The following MCPH1 variants were observed in gnomAD, a reference collection of about 807,000 sequenced individuals.
MCPH1 encodes microcephalin 1, also known as microcephalin.
A neutral mutation model predicts 84.5 loss-of-function variants in MCPH1; 104 were observed. That is an observed-to-expected ratio of 1.23 (90% confidence interval 1.05 to 1.45). The LOEUF is 1.45. Ranked by LOEUF, MCPH1 falls within the 40% of genes most tolerant of loss-of-function variation. The pLI, the probability that MCPH1 is intolerant of heterozygous loss-of-function variation, is 0.00. For missense variants in MCPH1, 1,498 were observed against 1,005.7 expected (o/e 1.49, Z -6.62); for synonymous variants, 514 against 366.8 (o/e 1.40, Z -4.58).
At chr8:6,417,635 A>G (rs1044278575) in intron 3 of MCPH1, among the ~76,000 whole-genome samples, 1 of 151,478 alleles carries the variant, frequency 6.6e-6, no homozygotes, top group African/African-American at 2.4e-5. Context: ...TAACATTTCT[A>G]GTTGGTTTTT....
chr8:6,493,056 A>G (rs547628420), intron 11 of MCPH1, among the ~76,000 whole-genome samples: 1 of 152,296 alleles, frequency 6.6e-6, no homozygotes, highest in East Asian at 1.9e-4. Context: ...CATACAGTGA[A>G]GTGATGTTTC....
chr8:6,562,641 T>C lies in MCPH1; in HGVS notation c.2215-58813T>C, dbSNP rs1469308863. The stretch of plus-strand genomic sequence containing the variant: ...GTTCACAAAGACAGATGGATTTTTT[T>C]CCTACCTTCATTAGCCACTGAGTGT... On this transcript the variant is annotated intron_variant, in intron 12 of 13. Transcript: ENST00000344683. The C allele has an allele frequency of 3.5e-6, 5 of 1,408,492 alleles. No homozygotes were observed. The South Asian group carries it at 6.1e-5, about 17-fold the overall frequency. The allele number at this position is 1,408,492 out of a possible 1,614,324, so 87.2% of individuals were successfully genotyped here. A position where few individuals can be genotyped will look rare whatever the true frequency, so the allele number is the denominator to read the frequency against.
intron 9 of MCPH1, among the ~76,000 whole-genome samples, chr8:6,460,560 A>G (rs1806164557): frequency 6.6e-6 from 1 of 152,012 alleles, no homozygotes; most frequent in South Asian, 2.1e-4. Flanking sequence ...AAAATTATTA[A>G]TCCTATCTTT....
chr8:6,603,085 G>T (rs1415031095), intron 12 of MCPH1, among the ~76,000 whole-genome samples: 1 of 151,868 alleles, frequency 6.6e-6, no homozygotes, highest in East Asian at 1.9e-4. Flanking sequence ...CTAGTTTTCA[G>T]CCTGTATTTT....
At position 6,645,564 on chromosome 8, in the gene MCPH1, C is replaced by T. The variant is rs1798176416; in HGVS notation, c.*2515C>T. 1 of 128,466 alleles carries T rather than the reference C, an allele frequency of 7.8e-6. No homozygotes were observed. The highest frequency in any genetic ancestry group is 2.5e-4 in the South Asian group (1 of 4,058). 8.0% of individuals were successfully genotyped at this position (128,466 alleles called of 1,614,324 possible). A position where few individuals can be genotyped will look rare whatever the true frequency, so the allele number is the denominator to read the frequency against. On this transcript the variant is annotated 3_prime_UTR_variant, in exon 14 of 14. Coordinates refer to ENST00000344683, the MANE Select transcript of MCPH1 (RefSeq NM_024596.5). ...AAGTGAAGAAATAAAAGTCTTTATT[C>T]TCAAGAATACAAGACACTATGTATA...
At chr8:6,506,024 A>T (rs1324679766) in intron 12 of MCPH1, among the ~76,000 whole-genome samples, 1 of 145,358 alleles carries the variant, frequency 6.9e-6, no homozygotes, top group African/African-American at 2.5e-5. Context: ...TATATATATA[A>T]AAACATATAT....
chr8:6,473,781 T>G, intron 9 of MCPH1: 1 of 953,026 alleles, frequency 1.0e-6, no homozygotes, highest in Non-Finnish European at 1.5e-6. Context: ...CTTAAACAAT[T>G]TCTATGATGT....
chr8:6,608,082 C>A (rs992315983), intron 12 of MCPH1, among the ~76,000 whole-genome samples: 1 of 152,246 alleles, frequency 6.6e-6, no homozygotes, highest in African/African-American at 2.4e-5. Flanking sequence ...TGAGCTGGAG[C>A]CCACAGCAGG....
intron 8 of MCPH1, among the ~76,000 whole-genome samples, chr8:6,452,658 A>G (rs115353077): frequency 0.012 from 1,800 of 152,318 alleles, 34 homozygotes; most frequent in African/African-American, 0.04. Flanking sequence ...CTTCATGATG[A>G]GATTAGGACC....
intron 12 of MCPH1, chr8:6,514,576 G>T: frequency 2.0e-6 from 2 of 1,020,020 alleles, no homozygotes; most frequent in Non-Finnish European, 3.0e-6. Flanking sequence ...CATGTCAAAA[G>T]TCATTGGTTA....
intron 1 of MCPH1, among the ~76,000 whole-genome samples, chr8:6,407,624 T>C (rs1440193061): frequency 2.0e-5 from 3 of 152,246 alleles, no homozygotes; most frequent in Non-Finnish European, 2.9e-5. Flanking sequence ...CTAGAGGCTT[T>C]ATACAAAGTC....
chr8:6,425,108 C>T (rs1800862555), intron 3 of MCPH1, among the ~76,000 whole-genome samples: 1 of 152,146 alleles, frequency 6.6e-6, no homozygotes, highest in Non-Finnish European at 1.5e-5. Context: ...CCTGGCCGAC[C>T]TAGCAGGTGT....
chr8:6,438,876 G>T, intron 5 of MCPH1, 77 bp from the exon 6 acceptor site: 1 of 1,388,066 alleles, frequency 7.2e-7, no homozygotes, highest in Non-Finnish European at 1.0e-6. Flanking sequence ...GTGGGGGGTT[G>T]TTCTTTAAAA....
intron 9 of MCPH1, among the ~76,000 whole-genome samples, chr8:6,469,007 A>G (rs1359393379): frequency 6.6e-6 from 1 of 152,058 alleles, no homozygotes; most frequent in Non-Finnish European, 1.5e-5. Context: ...TGGGCAAAGG[A>G]GTGAGACCTC....
At chr8:6,499,711 G>A in intron 11 of MCPH1, 141 bp from the exon 12 acceptor site, 1 of 704,182 alleles carries the variant, frequency 1.4e-6, no homozygotes. Context: ...AGATTCTGAA[G>A]GGACTTTGTT....
Position 6,489,929 on chromosome 8 carries a change from A to C in MCPH1, c.2136+9053A>C, listed in dbSNP as rs796470960. 2.0e-5 allele frequency among the ~76,000 whole-genome samples: 3 copies of C among 152,248 alleles called. No homozygotes were observed. In the South Asian group the frequency reaches 6.2e-4, roughly 32 times the overall value. On this transcript the variant is annotated intron_variant, in intron 11 of 13. Transcript: ENST00000344683. ...CAAATACTTTAAATGGATAAGGCTA[A>C]AAACCAACAAGTCGAGAGGGTACTT...
At chr8:6,562,610 T>A (rs200032430) in intron 12 of MCPH1, 2 of 1,068,630 alleles carry the variant, frequency 1.9e-6, no homozygotes, top group Non-Finnish European at 2.5e-6. Flanking sequence ...CTGATCTTAA[T>A]AGCATGTTCA....
At chr8:6,586,837 C>T (rs1294731254) in intron 12 of MCPH1, among the ~76,000 whole-genome samples, 2 of 152,160 alleles carry the variant, frequency 1.3e-5, no homozygotes, top group African/African-American at 2.4e-5. Flanking sequence ...GGACACTTAC[C>T]ACCTGAATCC....
Position 6,627,306 on chromosome 8 carries a change from A to T in MCPH1, c.2452+5615A>T, listed in dbSNP as rs1423548217. 9 of 984,778 alleles carry T rather than the reference A, an allele frequency of 9.1e-6. No individual in the cohort carries two copies. The African/African-American group carries it at 1.4e-4, about 15-fold the overall frequency. 61.0% of individuals were successfully genotyped at this position (984,778 alleles called of 1,614,324 possible). On this transcript the variant is annotated intron_variant, in intron 13 of 13. Coordinates refer to ENST00000344683, the MANE Select transcript of MCPH1 (RefSeq NM_024596.5). ...GTCGCAGAGAGGGGAGGCCATCTGC[A>T]GAAGCTGTGGAGAGTGGCAGAGAGG... is the stretch of plus-strand genomic sequence containing the variant.
Sources: allele counts gnomAD v4.1 joint callset (sites outside exome capture counted in the v4.1 genomes callset), GRCh38; gene constraint gnomAD v4.1.1; transcripts MANE v1.5; gene names NCBI Gene and HGNC (gene_info 2026-07-23, HGNC 2026-07-21).